The following LRP8 variants were observed in gnomAD, a reference collection of about 807,000 sequenced individuals.
The protein encoded by LRP8 is LDL receptor related protein 8, also known as low-density lipoprotein receptor-related protein 8.
LRP8 carries 46 observed loss-of-function variants against 111.6 expected under a neutral mutation model. The observed-to-expected ratio is 0.41, with a 90% CI of 0.33 to 0.53. The LOEUF (loss-of-function observed/expected upper bound fraction) is 0.53, where lower values mean the gene tolerates loss of function less well. Among genes scored for constraint, LRP8 ranks in the 20% least tolerant of loss-of-function variants. LRP8 has a pLI of 0.20. For synonymous variants in LRP8, 464 were observed against 511.2 expected, an observed-to-expected ratio of 0.91 and a Z score of 1.24; for missense variants, 959 against 1,297.4, an observed-to-expected ratio of 0.74 and a Z score of 4.01.
At chr1:53,255,412 G>A (rs753943443) in intron 15 of LRP8, among the ~76,000 whole-genome samples, 5 of 152,190 alleles carry the variant, frequency 3.3e-5, no homozygotes, top group Non-Finnish European at 7.3e-5. Context: ...AGTCTTAACT[G>A]AGGGGTTTCA....
At chr1:53,255,236 G>C in intron 15 of LRP8, 51 bp from the exon 16 acceptor site, 3 of 1,526,772 alleles carry the variant, frequency 2.0e-6, no homozygotes, top group Non-Finnish European at 1.8e-6. Context: ...GTGTGTCCAA[G>C]CCCCTACTGG....
intron 13 of LRP8, among the ~76,000 whole-genome samples, chr1:53,259,399 A>G (rs1646240149): frequency 6.6e-6 from 1 of 151,806 alleles, no homozygotes; most frequent in South Asian, 2.1e-4. Flanking sequence ...GGTATAAGCC[A>G]CCATGCCTGG....
rs768118431 is a variant in LRP8, at chr1:53,326,909, C to G, written c.208G>C (p.Asp70His). The G allele has an allele frequency of 6.2e-7, 1 of 1,613,952 alleles. No individual in the cohort carries two copies. The change falls in exon 2 of 19, where the codon GAT becomes CAT. Residue 70 changes from aspartate (D) to histidine (H), a missense_variant. Around this residue, in one of 3 missense-constraint regions of LRP8, gnomAD observed 97 missense variants for 107.5 expected, o/e 0.90. Transcript: ENST00000306052. The part of the protein sequence containing the change: ...IPSVWRCDED[D>H]DCLDHSDEDD... ...TCGTCGCTGTGGTCTAAGCAGTCATCGTCCTCGTCGCATCTCCACACAGAG... is the reference window on the plus strand; with the variant it reads ...TCGTCGCTGTGGTCTAAGCAGTCATGGTCCTCGTCGCATCTCCACACAGAG...
In LRP8 at chr1:53,244,028, A is replaced by G. The variant is rs945076233; in HGVS notation, c.*2990T>C. Reference sequence around the variant, plus strand: ...CATACTGAGATAACTGGAGGGATCAATAGGACTTACTGCCATACATTTAAA... The same window carrying G: ...CATACTGAGATAACTGGAGGGATCAGTAGGACTTACTGCCATACATTTAAA... On this transcript the variant is annotated 3_prime_UTR_variant, in exon 19 of 19. Coordinates refer to ENST00000306052, the MANE Select transcript of LRP8 (RefSeq NM_004631.5). The G allele has an allele frequency of 6.6e-6, 1 of 152,242 alleles. No homozygotes were observed. The highest frequency in any genetic ancestry group is 2.4e-5 in the African/African-American group (1 of 41,464). The allele number at this position is 152,242 out of a possible 1,614,324, so 9.4% of individuals were successfully genotyped here.
rs1188092432 is a variant in LRP8, at chr1:53,257,405, T to C, written c.2269A>G (p.Thr757Ala). The stretch of plus-strand genomic sequence containing the variant: ...ACGGTGGTCCCGGGGGCTCTTGTGG[T>C]GGCAGGTACTGTCCTCGTCATGGTA... ...ASTMTRTVPATTRAPGTTVHR... is the reference protein window; with the variant it reads ...ASTMTRTVPAATRAPGTTVHR... The change falls in exon 15 of 19, where the codon ACC becomes GCC. Residue 757 changes from threonine to alanine, a missense_variant. Physicochemically the swap from Thr to Ala is moderately conservative, Grantham distance 58. This residue lies in a region of LRP8 where 819 missense variants were observed against 1,097.6 expected (regional missense o/e 0.75). Transcript: ENST00000306052. 31 of 1,613,924 alleles carry C rather than the reference T, an allele frequency of 1.9e-5. No individual in the cohort carries two copies. The highest frequency in any genetic ancestry group is 2.5e-5 in the Non-Finnish European group (29 of 1,180,004).
In LRP8 at chr1:53,249,583, A is replaced by T; in HGVS notation, c.2677-27T>A. The T allele has an allele frequency of 6.4e-7, 1 of 1,556,330 alleles. No homozygotes were observed. Among genetic ancestry groups the T allele is most frequent in the Non-Finnish European group, 8.7e-7 (1 of 1,150,794 alleles). ...TGACAGGGGGATGGCACTGTGGATGACCTCTGAGGTCACACTCAGCCCCCT... is the reference window on the plus strand; with the variant it reads ...TGACAGGGGGATGGCACTGTGGATGTCCTCTGAGGTCACACTCAGCCCCCT... On this transcript the variant is annotated intron_variant, in intron 17 of 18. Coordinates refer to ENST00000306052, the MANE Select transcript of LRP8 (RefSeq NM_004631.5). This position sits in a 1 kb window ranked among gnomAD's most constrained non-coding sequence, Gnocchi z 4.1.
chr1:53,273,334 T>C (rs757653368), intron 6 of LRP8, among the ~76,000 whole-genome samples: 7 of 152,218 alleles, frequency 4.6e-5, no homozygotes, highest in Non-Finnish European at 7.3e-5. Flanking sequence ...CCAGCTTATG[T>C]GCAGAGCACA....
chr1:53,320,378 T>C (rs896334400), intron 2 of LRP8, among the ~76,000 whole-genome samples: 2 of 152,136 alleles, frequency 1.3e-5, no homozygotes, highest in Admixed American at 1.3e-4. Context: ...CTGACTCCAG[T>C]CCCACCCAGA....
intron 15 of LRP8, among the ~76,000 whole-genome samples, chr1:53,256,590 A>C (rs1306173344): frequency 6.6e-6 from 1 of 152,246 alleles, no homozygotes; most frequent in African/African-American, 2.4e-5. Context: ...GAAAAAATTA[A>C]AAAGATAGTT....
intron 9 of LRP8, among the ~76,000 whole-genome samples, chr1:53,264,986 A>G (rs960399802): frequency 2.0e-5 from 3 of 152,192 alleles, no homozygotes; most frequent in African/African-American, 4.8e-5. Flanking sequence ...GCCAGAGGAT[A>G]TAGTCCAATA....
intron 1 of LRP8, chr1:53,327,349 C>T (rs964199085): frequency 7.0e-6 from 2 of 285,920 alleles, no homozygotes; most frequent in Admixed American, 5.1e-5. Flanking sequence ...GAGCCGCAGG[C>T]ACATCACCCT....
intron 4 of LRP8, among the ~76,000 whole-genome samples, chr1:53,278,964 T>C (rs1647020304): frequency 6.6e-6 from 1 of 150,900 alleles, no homozygotes. Context: ...TTTCACCATG[T>C]TAGCCAGGAT....
chr1:53,251,324 C>G (rs1014926103), intron 16 of LRP8, among the ~76,000 whole-genome samples: 1 of 152,080 alleles, frequency 6.6e-6, no homozygotes, highest in Non-Finnish European at 1.5e-5. Context: ...CTAGATTTCT[C>G]TAAGAAAACG....
intron 2 of LRP8, among the ~76,000 whole-genome samples, chr1:53,290,869 G>A (rs1648612177): frequency 6.6e-6 from 1 of 152,118 alleles, no homozygotes. Context: ...AGACCGGGAA[G>A]GGGCCTTGAG....
intron 2 of LRP8, among the ~76,000 whole-genome samples, chr1:53,325,823 C>A (rs905147573): frequency 3.3e-5 from 5 of 152,358 alleles, no homozygotes; most frequent in African/African-American, 7.2e-5. Context: ...GAGGGCGCCC[C>A]AGCGCCTGGC....
rs537313445 is a variant in LRP8, at chr1:53,243,604, T to C, written c.*3414A>G. 5 of 152,374 alleles carry C rather than the reference T, an allele frequency of 3.3e-5. No individual in the cohort carries two copies. The East Asian group carries it at 5.8e-4, about 18-fold the overall frequency. The allele number at this position is 152,374 out of a possible 1,614,324, so 9.4% of individuals were successfully genotyped here. The stretch of plus-strand genomic sequence containing the variant: ...ATAAAGTGCTTACATTGAATCTCTT[T>C]CCATACAGCCTCATTTCTTGCCCCC... On this transcript the variant is annotated 3_prime_UTR_variant, in exon 19 of 19. Transcript: ENST00000306052.
intron 6 of LRP8, among the ~76,000 whole-genome samples, chr1:53,272,860 G>T (rs940172393): frequency 6.6e-6 from 1 of 152,170 alleles, no homozygotes; most frequent in African/African-American, 2.4e-5. Flanking sequence ...CTCACCCACT[G>T]CCCCCATCAT....
chr1:53,317,702 A>G lies in LRP8; in HGVS notation c.244+9171T>C, dbSNP rs1409201843. On this transcript the variant is annotated intron_variant, in intron 2 of 18. Transcript: ENST00000306052. This position sits in a 1 kb window ranked among gnomAD's most constrained non-coding sequence, Gnocchi z 4.9. ...AGGCTCTGGGCAAAGTACTTTCCTC[A>G]GCCCGCACACCTCCGGAATATGGGC... Among the ~76,000 whole-genome samples, 1 of 152,214 alleles carries G rather than the reference A, an allele frequency of 6.6e-6. No homozygotes were observed. Among genetic ancestry groups the G allele is most frequent in the African/African-American group, 2.4e-5 (1 of 41,446 alleles).
chr1:53,297,010 A>G (rs1649853630), intron 2 of LRP8, among the ~76,000 whole-genome samples: 1 of 151,670 alleles, frequency 6.6e-6, no homozygotes, highest in Non-Finnish European at 1.5e-5. Flanking sequence ...TCTGGGGTCC[A>G]GCAGCACTGG....
Sources: gnomAD v4.1 joint callset for allele counts (sites outside exome capture counted in the v4.1 genomes callset) on GRCh38, gnomAD v4.1.1 for gene constraint, gnomAD v4.1.1 regional missense constraint, Gnocchi (gnomAD v3.1) non-coding constraint, MANE v1.5 for transcripts, NCBI Gene and HGNC (gene_info 2026-07-23, HGNC 2026-07-21) for gene names.